BNIP3: variants seen among roughly 807,000 people sequenced by gnomAD.
BNIP3 encodes the protein BCL2 interacting protein 3.
BNIP3 carries 16 observed loss-of-function variants against 23.9 expected under a neutral mutation model. That is an observed-to-expected ratio of 0.67 (90% CI 0.45 to 1.01). The LOEUF (loss-of-function observed/expected upper bound fraction) is 1.01. BNIP3 is among the 50% of genes least tolerant of loss of function. The pLI is 0.00. For synonymous variants in BNIP3, 81 were observed against 89.3 expected (o/e 0.91, Z 0.53); for missense variants, 198 against 248.7 (o/e 0.80, Z 1.37).
At chr10:131,968,759 TATTA>T (rs2036993909) in intron 5 of BNIP3, 190 bp from the exon 6 acceptor site, 2 of 513,176 alleles carry the variant, frequency 3.9e-6, no homozygotes, top group East Asian at 6.2e-5. Context: ...ATGTATTTTG[TATTA>T]ATTAACTTAG....
chr10:131,974,629 C>T (rs1458875908), intron 1 of BNIP3, among the ~76,000 whole-genome samples: 1 of 152,236 alleles, frequency 6.6e-6, no homozygotes, highest in Non-Finnish European at 1.5e-5. Flanking sequence ...GTCCTCTCAC[C>T]TCAGCTTCCC....
Position 131,973,086 on chromosome 10 carries a change from T to C in BNIP3, c.230A>G (p.Asn77Ser). The C allele has an allele frequency of 6.2e-7, 1 of 1,613,826 alleles. No individual in the cohort carries two copies. The highest frequency in any genetic ancestry group is 1.3e-5 in the African/African-American group (1 of 75,036). The change falls in exon 3 of 6, where the codon AAC becomes AGC. Residue 77 changes from asparagine (N) to serine (S), a missense_variant. Asn to Ser is a conservative substitution (Grantham distance 46, BLOSUM62 1). Coordinates refer to ENST00000368636, the MANE Select transcript of BNIP3 (RefSeq NM_004052.4). ...PPRSQTPQDT[N>S]RASETDTHSI... Reference sequence around the variant, plus strand: ...ATGGGTATCTGTTTCAGAAGCTCTGTTGGTATCTTGTGGTGTCTGCGAGCG... The same window carrying C: ...ATGGGTATCTGTTTCAGAAGCTCTGCTGGTATCTTGTGGTGTCTGCGAGCG...
At position 131,974,199 on chromosome 10, in the gene BNIP3, C is replaced by T. The variant is rs567503852; in HGVS notation, c.47-256G>A. Among the ~76,000 whole-genome samples the T allele has an allele frequency of 3.9e-5, 6 of 152,336 alleles. No homozygotes were observed. The East Asian group carries it at 9.6e-4, about 24-fold the overall frequency. Reference sequence around the variant, plus strand: ...TGTATCTGTCCAGCTCTTGCAGTCCCTTTATACCAAGCCAATGTCCAATAA... The same window carrying T: ...TGTATCTGTCCAGCTCTTGCAGTCCTTTTATACCAAGCCAATGTCCAATAA... On this transcript the variant is annotated intron_variant, in intron 1 of 5. Coordinates refer to ENST00000368636, the MANE Select transcript of BNIP3 (RefSeq NM_004052.4).
intron 1 of BNIP3, chr10:131,980,262 A>C (rs944694803): frequency 2.0e-5 from 3 of 152,208 alleles, no homozygotes; most frequent in Non-Finnish European, 4.4e-5. Context: ...TGAAACGCAC[A>C]ATGTCAGGAG....
chr10:131,971,015 G>T, intron 3 of BNIP3, 45 bp from the exon 4 acceptor site: 1 of 1,572,418 alleles, frequency 6.4e-7, no homozygotes, highest in South Asian at 1.1e-5. Flanking sequence ...TACCACACGT[G>T]ACACGGGAAA....
intron 3 of BNIP3, chr10:131,971,415 C>T (rs2037032395): frequency 1.2e-5 from 2 of 169,618 alleles, no homozygotes; most frequent in South Asian, 1.5e-4. Context: ...AGCAGGTTTA[C>T]AAGATGCTTC....
intron 2 of BNIP3, chr10:131,973,526 C>A: frequency 1.9e-6 from 1 of 525,938 alleles, no homozygotes; most frequent in Non-Finnish European, 3.4e-6. Flanking sequence ...CGCGTGAGTG[C>A]GTTTCTCAGA....
At chr10:131,979,979 C>G (rs890435607) in intron 1 of BNIP3, among the ~76,000 whole-genome samples, 1 of 152,224 alleles carries the variant, frequency 6.6e-6, no homozygotes, top group Non-Finnish European at 1.5e-5. Flanking sequence ...CCCGCGGGAC[C>G]GGCCAACCCC....
chr10:131,980,255 AACGC>A (rs2037109240), intron 1 of BNIP3: 1 of 152,240 alleles, frequency 6.6e-6, no homozygotes, highest in Admixed American at 6.5e-5. Context: ...CGGACAGTGA[AACGC>A]ACAATGTCAG....
intron 1 of BNIP3, among the ~76,000 whole-genome samples, chr10:131,979,347 G>T (rs1232248535): frequency 6.6e-6 from 1 of 152,174 alleles, no homozygotes; most frequent in African/African-American, 2.4e-5. Flanking sequence ...CTTTGCCCAT[G>T]GTGAGTTGCC....
At chr10:131,981,517 G>A (rs943013892) in intron 1 of BNIP3, among the ~76,000 whole-genome samples, 2 of 152,214 alleles carry the variant, frequency 1.3e-5, no homozygotes, top group Admixed American at 6.5e-5. Context: ...GGTCCGACCC[G>A]GGTCCAAGCC....
At position 131,970,219 on chromosome 10, in the gene BNIP3, T is replaced by G; in HGVS notation, c.539+419A>C. On this transcript the variant is annotated intron_variant, in intron 5 of 5. Coordinates refer to ENST00000368636, the MANE Select transcript of BNIP3 (RefSeq NM_004052.4). This position sits in a 1 kb window ranked among gnomAD's most constrained non-coding sequence, Gnocchi z 4.1. Reference sequence around the variant, plus strand: ...GCATTGGTTCCTTCATTGCTGAGAGTTACTAGAACAACAGTCCTGTCTGGA... The same window carrying G: ...GCATTGGTTCCTTCATTGCTGAGAGGTACTAGAACAACAGTCCTGTCTGGA... 1.1e-5 allele frequency: 2 copies of G among 181,128 alleles called. No homozygotes were observed. The highest frequency in any genetic ancestry group is 2.3e-5 in the Non-Finnish European group (2 of 87,256). 11.2% of individuals were successfully genotyped at this position (181,128 alleles called of 1,614,324 possible).
chr10:131,975,217 G>A (rs543931321), intron 1 of BNIP3, among the ~76,000 whole-genome samples: 1 of 152,204 alleles, frequency 6.6e-6, no homozygotes, highest in Non-Finnish European at 1.5e-5. Context: ...GACAGCTCCC[G>A]CCTCACTCTG....
chr10:131,975,229 G>A (rs982728924), intron 1 of BNIP3, among the ~76,000 whole-genome samples: 15 of 152,186 alleles, frequency 9.9e-5, no homozygotes, highest in African/African-American at 1.7e-4. Flanking sequence ...CTCACTCTGC[G>A]CTGGCTGCTT....
At chr10:131,978,472 C>T (rs7350460) in intron 1 of BNIP3, among the ~76,000 whole-genome samples, 2,429 of 152,080 alleles carry the variant, frequency 0.016, 31 homozygotes, top group Non-Finnish European at 0.027. Context: ...GGAATCCCTT[C>T]GATTCACTGC....
In BNIP3 at chr10:131,977,163, G is replaced by A. The variant is rs45503999; in HGVS notation, c.47-3220C>T. 3.2e-4 allele frequency among the ~76,000 whole-genome samples: 49 copies of A among 152,212 alleles called. No homozygotes were observed. The East Asian group carries it at 8.7e-3, about 27-fold the overall frequency. On this transcript the variant is annotated intron_variant, in intron 1 of 5. Coordinates refer to ENST00000368636, the MANE Select transcript of BNIP3 (RefSeq NM_004052.4). ...GGGCGCCTGTAATCCCAGCTACTCG[G>A]GAAGCTGAGGCAGAAGAATCCCTTG...
rs1306113896 is a variant in BNIP3 at position 131,976,219 on chromosome 10, C to T, written c.47-2276G>A. On this transcript the variant is annotated intron_variant, in intron 1 of 5. Coordinates refer to ENST00000368636, the MANE Select transcript of BNIP3 (RefSeq NM_004052.4). The surrounding 1 kb of genome is among the most constrained non-coding windows in gnomAD (Gnocchi z 4.3). ...TTTACTTGACTAAAGTGTTGTTCAG[C>T]TATCTGACGATATGGAACACAAATG... Among the ~76,000 whole-genome samples, 1 of 152,232 alleles carries T rather than the reference C, an allele frequency of 6.6e-6. No homozygotes were observed. The highest frequency in any genetic ancestry group is 1.9e-4 in the East Asian group (1 of 5,200).
intron 1 of BNIP3, among the ~76,000 whole-genome samples, 158 bp downstream of exon 1, chr10:131,981,603 G>T (rs2037119202): frequency 6.6e-6 from 1 of 152,332 alleles, no homozygotes; most frequent in South Asian, 2.1e-4. Context: ...CCGCATGCCC[G>T]CAGGAGGGGT....
intron 3 of BNIP3, among the ~76,000 whole-genome samples, chr10:131,971,693 G>C (rs972256133): frequency 3.3e-5 from 5 of 152,150 alleles, no homozygotes; most frequent in African/African-American, 1.2e-4. Context: ...CAAGAATATA[G>C]CTCCCCAAAC....
Sources: allele counts gnomAD v4.1 joint callset (sites outside exome capture counted in the v4.1 genomes callset), GRCh38; gene constraint gnomAD v4.1.1; non-coding constraint Gnocchi (gnomAD v3.1); transcripts MANE v1.5; gene names NCBI Gene and HGNC (gene_info 2026-07-23, HGNC 2026-07-21).